MTHFD2L: variants seen among roughly 807,000 people sequenced by gnomAD.
MTHFD2L encodes the protein bifunctional methylenetetrahydrofolate dehydrogenase/cyclohydrolase 2, mitochondrial.
MTHFD2L carries 29 observed loss-of-function variants against 34.9 expected under a neutral mutation model. That is an observed-to-expected ratio of 0.83 (90% CI 0.62 to 1.13). The LOEUF (loss-of-function observed/expected upper bound fraction) is 1.13. Among genes scored for constraint, MTHFD2L ranks in the 50% most tolerant of loss-of-function variants. MTHFD2L has a pLI of 0.00. For synonymous variants in MTHFD2L, 167 were observed against 155.7 expected (o/e 1.07, Z -0.54); for missense variants, 481 against 446.5 (o/e 1.08, Z -0.70).
At chr4:74,214,641 A>G (rs953641660) in intron 5 of MTHFD2L, among the ~76,000 whole-genome samples, 1 of 151,756 alleles carries the variant, frequency 6.6e-6, no homozygotes, top group Non-Finnish European at 1.5e-5. Context: ...TGAGGTGTCT[A>G]TTGACCCCTG....
intron 1 of MTHFD2L, among the ~76,000 whole-genome samples, chr4:74,169,557 A>T (rs977201566): frequency 2.0e-5 from 3 of 152,228 alleles, no homozygotes; most frequent in Non-Finnish European, 4.4e-5. Context: ...TTAGGTGATT[A>T]CTAGTTTTTT....
chr4:74,200,415 G>A (rs1734231168), intron 4 of MTHFD2L, among the ~76,000 whole-genome samples: 1 of 152,130 alleles, frequency 6.6e-6, no homozygotes, highest in Admixed American at 6.6e-5. Flanking sequence ...GCAACTTATA[G>A]GAAGTGAATT....
chr4:74,204,455 T>C (rs1734967468), intron 5 of MTHFD2L, among the ~76,000 whole-genome samples: 1 of 152,124 alleles, frequency 6.6e-6, no homozygotes, highest in African/African-American at 2.4e-5. Context: ...AATGATGTGA[T>C]TTTTACCTTT....
chr4:74,140,526 C>T, intron 1 of MTHFD2L: 2 of 973,106 alleles, frequency 2.1e-6, no homozygotes, highest in Non-Finnish European at 2.4e-6. Flanking sequence ...ACTTTGTGCA[C>T]ACCTTTTTCA....
chr4:74,272,850 G>T (rs570874599), intron 6 of MTHFD2L, among the ~76,000 whole-genome samples: 1 of 152,218 alleles, frequency 6.6e-6, no homozygotes, highest in African/African-American at 2.4e-5. Context: ...TCTGAATTCT[G>T]TCAAAAGGTG....
rs547782514 is a variant in MTHFD2L at position 74,281,653 on chromosome 4, T to C, written c.931+103T>C. The C allele has an allele frequency of 1.0e-5, 12 of 1,147,400 alleles. No individual in the cohort carries two copies. In the East Asian group the frequency reaches 1.3e-4, roughly 13 times the overall value. The allele number at this position is 1,147,400 out of a possible 1,614,324, so 71.1% of individuals were successfully genotyped here. On this transcript the variant is annotated intron_variant, in intron 7 of 7. Transcript: ENST00000325278. ...CATTTATGGAGGAATTATTAACTTA[T>C]TAATCATCACCTCTTTCTTCTGAGG...
chr4:74,265,112 A>G (rs147234895), intron 6 of MTHFD2L, among the ~76,000 whole-genome samples: 230 of 152,230 alleles, frequency 1.5e-3, no homozygotes, highest in African/African-American at 5.2e-3. Flanking sequence ...TCATGTCAAA[A>G]CTCAGTGGCT....
intron 6 of MTHFD2L, among the ~76,000 whole-genome samples, chr4:74,225,813 A>C (rs973554527): frequency 6.6e-6 from 1 of 152,150 alleles, no homozygotes. Flanking sequence ...TGCCCTAAAC[A>C]CAGCCAGGCT....
intron 6 of MTHFD2L, among the ~76,000 whole-genome samples, chr4:74,249,528 G>A (rs371658164): frequency 5.9e-5 from 9 of 151,952 alleles, no homozygotes; most frequent in African/African-American, 9.7e-5. Context: ...TCATTATGAT[G>A]TTAGCTGGTT....
At chr4:74,250,235 A>C (rs1339032162) in intron 6 of MTHFD2L, among the ~76,000 whole-genome samples, 1 of 152,112 alleles carries the variant, frequency 6.6e-6, no homozygotes, top group Non-Finnish European at 1.5e-5. Context: ...AATAATTTTT[A>C]AGAACATAAA....
At chr4:74,220,806 T>G (rs1452437528) in intron 5 of MTHFD2L, among the ~76,000 whole-genome samples, 1 of 151,472 alleles carries the variant, frequency 6.6e-6, no homozygotes, top group Non-Finnish European at 1.5e-5. Flanking sequence ...TCTCAATGTT[T>G]CTTATTGTAG....
At chr4:74,255,572 G>T (rs1404000077) in intron 6 of MTHFD2L, among the ~76,000 whole-genome samples, 1 of 152,074 alleles carries the variant, frequency 6.6e-6, no homozygotes, top group Admixed American at 6.6e-5. Flanking sequence ...GAGGTTTGGG[G>T]TATGAAATGA....
chr4:74,117,463 C>T (rs1474487691), intron 2 of MTHFD2L, among the ~76,000 whole-genome samples: 3 of 152,144 alleles, frequency 2.0e-5, no homozygotes, highest in Non-Finnish European at 4.4e-5. Flanking sequence ...GAGAACAAAC[C>T]TTCAGATCTT....
intron 3 of MTHFD2L, among the ~76,000 whole-genome samples, chr4:74,179,545 A>G (rs570238558): frequency 5.3e-5 from 8 of 152,200 alleles, no homozygotes; most frequent in African/African-American, 1.9e-4. Context: ...AAATATGGGT[A>G]TATACAGTCT....
intron 1 of MTHFD2L, chr4:74,140,477 T>C (rs1279113801): frequency 1.5e-6 from 1 of 682,064 alleles, no homozygotes; most frequent in African/African-American, 1.9e-5. Flanking sequence ...GTTTTTTTAG[T>C]ATTTAAATTA....
intron 1 of MTHFD2L, among the ~76,000 whole-genome samples, chr4:74,170,160 T>C (rs1727603976): frequency 1.3e-5 from 2 of 152,180 alleles, no homozygotes; most frequent in Admixed American, 1.3e-4. Context: ...GTATCAAAGC[T>C]ACATGATAAC....
chr4:74,207,782 T>TTTTTTTTTTTTTC (rs1735606803), intron 5 of MTHFD2L, among the ~76,000 whole-genome samples: 2 of 151,236 alleles, frequency 1.3e-5, no homozygotes, highest in Non-Finnish European at 1.5e-5. Context: ...TTTTTTTTTT[T>TTTTTTTTTTTTTC]GCCAGCCTGG....
rs765510775 is a variant in MTHFD2L, at chr4:74,175,399, A to G, written c.447A>G (p.Leu149=). The G allele has an allele frequency of 2.5e-6, 4 of 1,609,160 alleles. No homozygotes were observed. The highest frequency in any genetic ancestry group is 1.1e-5 in the South Asian group (1 of 89,828). ...RVSGILVQLP[L]PDHVDERTIC... is the part of the protein sequence containing the mutation. ...GCGGTATATTAGTTCAGTTACCACT[A>G]CCAGGTACATAATGCTCCTCTTATT... is the stretch of plus-strand genomic sequence containing the variant. Residue 149 remains leucine (L), a synonymous_variant, in exon 3 of 8, where the codon CTA becomes CTG. Coordinates refer to ENST00000325278, the MANE Select transcript of MTHFD2L (RefSeq NM_001144978.3).
At chr4:74,147,682 T>C (rs994759181) in intron 1 of MTHFD2L, among the ~76,000 whole-genome samples, 7 of 152,112 alleles carry the variant, frequency 4.6e-5, no homozygotes, top group African/African-American at 1.7e-4. Flanking sequence ...ACACTTGTTA[T>C]TTTGTTTGTT....
Sources: allele counts gnomAD v4.1 joint callset (sites outside exome capture counted in the v4.1 genomes callset), GRCh38; gene constraint gnomAD v4.1.1; transcripts MANE v1.5; gene names NCBI Gene and HGNC (gene_info 2026-07-23, HGNC 2026-07-21).